Variants in RHOBTB1 observed in about 807,000 individuals in gnomAD.
The protein encoded by RHOBTB1 is Rho related BTB domain containing 1.
A neutral mutation model predicts 71.6 loss-of-function variants in RHOBTB1; 40 were observed. The ratio of observed to expected loss-of-function variants is 0.56; its 90% CI spans 0.43 to 0.73. RHOBTB1 has a LOEUF of 0.73. Among genes scored for constraint, RHOBTB1 ranks in the 30% least tolerant of loss-of-function variants. RHOBTB1 has a pLI of 0.00. For missense variants in RHOBTB1, 797 were observed against 894.0 expected, an observed-to-expected ratio of 0.89 and a Z score of 1.38; for synonymous variants, 319 against 334.9, an observed-to-expected ratio of 0.95 and a Z score of 0.52.
intron 2 of RHOBTB1, among the ~76,000 whole-genome samples, chr10:60,967,791 T>C (rs2134624546): frequency 6.6e-6 from 1 of 152,278 alleles, no homozygotes; most frequent in East Asian, 1.9e-4. Context: ...GGTGTTTCTA[T>C]ATTTTGATTA....
intron 4 of RHOBTB1, among the ~76,000 whole-genome samples, chr10:60,909,929 T>C (rs2082881633): frequency 1.3e-5 from 2 of 152,168 alleles, no homozygotes; most frequent in African/African-American, 2.4e-5. Flanking sequence ...CTTAGATAAA[T>C]GACAATAAAA....
At chr10:60,945,134 T>G (rs954080512), upstream of RHOBTB1, among the ~76,000 whole-genome samples, 5 of 152,150 alleles carry the variant, frequency 3.3e-5, no homozygotes, top group African/African-American at 1.2e-4. Context: ...GAGGTGACAG[T>G]GAAAGCAAAC....
chr10:60,951,632 A>G (rs962710426), intron 2 of RHOBTB1, among the ~76,000 whole-genome samples: 1 of 152,186 alleles, frequency 6.6e-6, no homozygotes, highest in Non-Finnish European at 1.5e-5. Flanking sequence ...TAAGGCTCAC[A>G]TCCTGTCACG....
chr10:60,938,178 G>A (rs921328640), intron 2 of RHOBTB1, among the ~76,000 whole-genome samples: 1 of 152,196 alleles, frequency 6.6e-6, no homozygotes, highest in Non-Finnish European at 1.5e-5. Context: ...AGATAAGTGA[G>A]GTTTCTCCTA....
At chr10:60,946,364 T>TA (rs757830211), upstream of RHOBTB1, among the ~76,000 whole-genome samples, 61 of 152,228 alleles carry the variant, frequency 4.0e-4, no homozygotes, top group East Asian at 2.3e-3. Flanking sequence ...CCCTGGCAGC[T>TA]AAAAAATAGG....
chr10:60,998,064 G>C (rs1266120286), intron 1 of RHOBTB1, among the ~76,000 whole-genome samples: 1 of 152,294 alleles, frequency 6.6e-6, no homozygotes, highest in Admixed American at 6.5e-5. Context: ...ATCATTCTGA[G>C]CTTCAGTTTC....
At chr10:60,895,063 G>A (rs750103394) in intron 4 of RHOBTB1, among the ~76,000 whole-genome samples, 50 of 152,306 alleles carry the variant, frequency 3.3e-4, no homozygotes, top group Middle Eastern at 3.4e-3. Flanking sequence ...GGAAAAAAAG[G>A]AATCTTGTGA....
chr10:60,912,168 T>C (rs918681488), intron 2 of RHOBTB1, among the ~76,000 whole-genome samples: 5 of 152,096 alleles, frequency 3.3e-5, no homozygotes, highest in Non-Finnish European at 7.4e-5. Flanking sequence ...TTTGTATTAA[T>C]CAAATTCATA....
At chr10:60,892,722 A>G in intron 5 of RHOBTB1, 88 bp downstream of exon 5, 1 of 1,173,432 alleles carries the variant, frequency 8.5e-7, no homozygotes, top group Non-Finnish European at 1.2e-6. Flanking sequence ...AGGAGTGTTG[A>G]AGAGCAGAAC....
intron 2 of RHOBTB1, among the ~76,000 whole-genome samples, chr10:60,983,881 T>G (rs562726522): frequency 6.6e-6 from 1 of 152,290 alleles, no homozygotes; most frequent in South Asian, 2.1e-4. Context: ...TCTCCTAATT[T>G]CAGTATCTTT....
chr10:60,886,606 T>A (rs1304429222), intron 6 of RHOBTB1, among the ~76,000 whole-genome samples: 2 of 152,178 alleles, frequency 1.3e-5, no homozygotes, highest in East Asian at 3.8e-4. Context: ...CGTATATTTT[T>A]AATTTACACC....
At chr10:60,909,756 A>G (rs2082872502) in intron 4 of RHOBTB1, among the ~76,000 whole-genome samples, 1 of 152,228 alleles carries the variant, frequency 6.6e-6, no homozygotes. Context: ...ACTAAGTTCA[A>G]AAGTCCTTGT....
At position 60,955,148 on chromosome 10, in the gene RHOBTB1, G is replaced by A. The variant is rs573009834; in HGVS notation, c.-61-13294C>T. ...CAACCTCCACTTCCTGGGTTCAAGC[G>A]ATCCTCCTGCTTCAGCCTCCTAAGT... On this transcript the variant is annotated intron_variant, in intron 2 of 11. Coordinates refer to the RHOBTB1 transcript ENST00000357917. 4.0e-3 allele frequency among the ~76,000 whole-genome samples: 591 copies of A among 148,650 alleles called. 3 individuals carry two copies. Among genetic ancestry groups the A allele is most frequent in the Middle Eastern group, 0.011 (3 of 278 alleles).
chr10:60,989,473 A>G (rs573692017), intron 1 of RHOBTB1, among the ~76,000 whole-genome samples: 22 of 152,198 alleles, frequency 1.4e-4, no homozygotes, highest in Non-Finnish European at 2.6e-4. Flanking sequence ...TGTTGAATGA[A>G]TAAATGTTTA....
At chr10:60,892,218 T>C (rs1220187746) in intron 5 of RHOBTB1, among the ~76,000 whole-genome samples, 1 of 152,220 alleles carries the variant, frequency 6.6e-6, no homozygotes, top group East Asian at 1.9e-4. Flanking sequence ...CTCCTTCAAG[T>C]TGTATTTTAC....
intron 1 of RHOBTB1, among the ~76,000 whole-genome samples, chr10:60,986,420 TATATATATATAA>T (rs1428670123): frequency 3.9e-4 from 57 of 144,710 alleles, no homozygotes; most frequent in African/African-American, 1.4e-3. Flanking sequence ...TATATATATA[TATATATATATAA>T]AATATATATA....
rs141901044 is a variant in RHOBTB1, at chr10:60,971,286, T to C, written c.-62+14559A>G. 5.2e-3 allele frequency among the ~76,000 whole-genome samples: 792 copies of C among 152,170 alleles called. 1 individual carries two copies. Among genetic ancestry groups the C allele is most frequent in the Non-Finnish European group, 7.1e-3 (483 of 68,000 alleles). ...AGCTGGAGGCATCACGCTACCTGAC[T>C]TCAAACCATACTACAAGGCTACAGT... On this transcript the variant is annotated intron_variant, in intron 2 of 11. Transcript: ENST00000357917.
Position 60,888,439 on chromosome 10 carries a change from G to A in RHOBTB1, c.1229C>T (p.Pro410Leu). The change falls in exon 6 of 11, where the codon CCT becomes CTT. Residue 410 changes from proline to leucine, a missense_variant. Pro to Leu is a moderately conservative substitution (Grantham distance 98, BLOSUM62 -3). Coordinates refer to ENST00000337910, the MANE Select transcript of RHOBTB1 (RefSeq NM_014836.5). ...AAGAAACTGGAGCAGGGTCCGAAAA[G>A]GGCCTGGCTGGACTGAAGCGTCCAT... ...VRMDASVQPGPFRTLLQFLYT... is the reference protein window; with the variant it reads ...VRMDASVQPGLFRTLLQFLYT... 6 of 1,614,156 alleles carry A rather than the reference G, an allele frequency of 3.7e-6. No individual in the cohort carries two copies. Among genetic ancestry groups the A allele is most frequent in the Non-Finnish European group, 5.1e-6 (6 of 1,180,016 alleles).
chr10:60,954,657 C>G (rs1211716215), intron 2 of RHOBTB1, among the ~76,000 whole-genome samples: 2 of 151,812 alleles, frequency 1.3e-5, no homozygotes, highest in Non-Finnish European at 2.9e-5. Flanking sequence ...ATCTGGAAAC[C>G]TACTTGAAAA....
Sources: gnomAD v4.1 joint callset for allele counts (sites outside exome capture counted in the v4.1 genomes callset) on GRCh38, gnomAD v4.1.1 for gene constraint, MANE v1.5 for transcripts, NCBI Gene and HGNC (gene_info 2026-07-23, HGNC 2026-07-21) for gene names.